The following DSCAM variants were observed in gnomAD, a reference collection of about 807,000 sequenced individuals.
DSCAM encodes the protein cell adhesion molecule DSCAM.
DSCAM carries 47 observed loss-of-function variants against 217.7 expected under a neutral mutation model. The observed-to-expected ratio is 0.22, with a 90% CI of 0.17 to 0.28. DSCAM has a LOEUF of 0.28. Ranked by LOEUF, DSCAM falls within the 10% of genes least tolerant of loss-of-function variation. The pLI, the probability that DSCAM is intolerant of heterozygous loss-of-function variation, is 1.00. For synonymous variants in DSCAM, 1,056 were observed against 1,015.3 expected, an observed-to-expected ratio of 1.04 and a Z score of -0.76; for missense variants, 2,080 against 2,618.3, an observed-to-expected ratio of 0.79 and a Z score of 4.49.
intron 1 of DSCAM, among the ~76,000 whole-genome samples, chr21:40,766,680 A>G (rs1241951939): frequency 1.6e-5 from 2 of 123,720 alleles, no homozygotes; most frequent in African/African-American, 6.4e-5. Flanking sequence ...AAAAAAAAAA[A>G]AAAAAAAACA....
At chr21:40,544,034 T>C (rs561392713) in intron 3 of DSCAM, among the ~76,000 whole-genome samples, 1 of 152,178 alleles carries the variant, frequency 6.6e-6, no homozygotes, top group South Asian at 2.1e-4. Context: ...TCTTAGTCAG[T>C]GTGAGTTGGG....
intron 3 of DSCAM, among the ~76,000 whole-genome samples, chr21:40,543,733 T>C (rs2076559487): frequency 6.6e-6 from 1 of 152,198 alleles, no homozygotes; most frequent in Non-Finnish European, 1.5e-5. Flanking sequence ...CTCATGAGTC[T>C]CTGGTCACCT....
At chr21:40,537,495 C>T (rs567930588) in intron 3 of DSCAM, among the ~76,000 whole-genome samples, 6 of 152,240 alleles carry the variant, frequency 3.9e-5, no homozygotes, top group Admixed American at 2.0e-4. Flanking sequence ...TTCCCCACCC[C>T]CACCAAAAAA....
intron 10 of DSCAM, among the ~76,000 whole-genome samples, chr21:40,289,397 G>A (rs1054355630): frequency 1.3e-5 from 2 of 152,134 alleles, no homozygotes; most frequent in Non-Finnish European, 2.9e-5. Context: ...TTAGAAGTAG[G>A]GTTAGCTGAG....
chr21:40,039,137 T>C (rs916802062), intron 32 of DSCAM, among the ~76,000 whole-genome samples: 1 of 151,598 alleles, frequency 6.6e-6, no homozygotes, highest in African/African-American at 2.4e-5. Context: ...CTGCACAATA[T>C]GCACATGTAC....
rs1178293337 is a variant in DSCAM, at chr21:40,139,906, G to A, written c.3406+2652C>T. Reference sequence around the variant, plus strand: ...GCATGTGGGGTGTGTGAGGTGTGGTGTGTGTGGTGAGTGTGGGATATGTGT... The same window carrying A: ...GCATGTGGGGTGTGTGAGGTGTGGTATGTGTGGTGAGTGTGGGATATGTGT... On this transcript the variant is annotated intron_variant, in intron 18 of 32. Coordinates refer to ENST00000400454, the MANE Select transcript of DSCAM (RefSeq NM_001389.5). Among the ~76,000 whole-genome samples the A allele has an allele frequency of 2.7e-5, 4 of 150,088 alleles. No individual in the cohort carries two copies. In the Admixed American group the frequency reaches 2.7e-4, roughly 10 times the overall value.
chr21:40,616,273 G>A (rs2089392617), intron 3 of DSCAM, among the ~76,000 whole-genome samples: 1 of 152,120 alleles, frequency 6.6e-6, no homozygotes, highest in Non-Finnish European at 1.5e-5. Flanking sequence ...CTGACCCTTG[G>A]CCAGCTCCTG....
rs1421064109 is a variant in DSCAM, at chr21:40,502,323, A to C, written c.509-133078T>G. Among the ~76,000 whole-genome samples the C allele has an allele frequency of 2.6e-5, 4 of 152,186 alleles. No homozygotes were observed. In the East Asian group the frequency reaches 7.7e-4, roughly 29 times the overall value. Reference sequence around the variant, plus strand: ...TTAATAAATTAATCAAGAAGAACATATCATACATCATGGATTTTATCTAAT... The same window carrying C: ...TTAATAAATTAATCAAGAAGAACATCTCATACATCATGGATTTTATCTAAT... On this transcript the variant is annotated intron_variant, in intron 3 of 32. Transcript: ENST00000400454.
At chr21:40,141,975 T>TACACACACACACACAA (rs1555883013) in intron 18 of DSCAM, among the ~76,000 whole-genome samples, 8 of 143,116 alleles carry the variant, frequency 5.6e-5, no homozygotes, top group Non-Finnish European at 1.2e-4. Flanking sequence ...CCACTTGAAA[T>TACACACACACACACAA]ACACACACAC....
chr21:40,627,971 TTG>T (rs2089626042), intron 3 of DSCAM, among the ~76,000 whole-genome samples: 1 of 152,202 alleles, frequency 6.6e-6, no homozygotes. Flanking sequence ...ACCCCCAAAG[TTG>T]TGTGTCCGTG....
intron 2 of DSCAM, among the ~76,000 whole-genome samples, chr21:40,706,218 C>T (rs901439904): frequency 6.6e-6 from 1 of 150,584 alleles, no homozygotes; most frequent in African/African-American, 2.4e-5. Flanking sequence ...AGAAAGAAAG[C>T]ACAGTCTGCT....
At chr21:40,513,074 T>G (rs944530951) in intron 3 of DSCAM, 30 of 152,204 alleles carry the variant, frequency 2.0e-4, no homozygotes, top group African/African-American at 7.0e-4. Flanking sequence ...TAATTTGTTG[T>G]ATTTTTAGTA....
At chr21:40,226,159 CA>C (rs1454602329) in intron 11 of DSCAM, among the ~76,000 whole-genome samples, 1 of 152,296 alleles carries the variant, frequency 6.6e-6, no homozygotes, top group African/African-American at 2.4e-5. Context: ...AGCTGGGATA[CA>C]AAGCCAGACA....
chr21:40,474,870 A>T (rs1198279664), intron 3 of DSCAM, among the ~76,000 whole-genome samples: 2 of 152,114 alleles, frequency 1.3e-5, no homozygotes, highest in African/African-American at 4.8e-5. Context: ...GAGAACTGCG[A>T]GGGAGCCCTG....
chr21:40,059,462 T>C lies in DSCAM; in HGVS notation c.4919+3407A>G, dbSNP rs2089080168. 2.0e-5 allele frequency among the ~76,000 whole-genome samples: 3 copies of C among 152,294 alleles called. No individual in the cohort carries two copies. The South Asian group carries it at 6.2e-4, about 32-fold the overall frequency. On this transcript the variant is annotated intron_variant, in intron 28 of 32. Transcript: ENST00000400454. ...TGTGCATGGGTGAAACAGGTGGATA[T>C]CTAGGAGCATGAAGCCCAGCAATGG...
intron 3 of DSCAM, among the ~76,000 whole-genome samples, chr21:40,497,691 GT>G (rs1344280241): frequency 6.6e-6 from 1 of 152,154 alleles, no homozygotes; most frequent in Non-Finnish European, 1.5e-5. Context: ...ATTCCCCAAT[GT>G]ATACATATAA....
chr21:40,265,377 T>C (rs77241752), intron 11 of DSCAM, among the ~76,000 whole-genome samples: 2,376 of 152,140 alleles, frequency 0.016, 78 homozygotes, highest in African/African-American at 0.054. Flanking sequence ...AAACATCCCA[T>C]GTTCATAGAT....
chr21:40,423,354 G>C (rs1478349035), intron 3 of DSCAM, among the ~76,000 whole-genome samples: 2 of 152,118 alleles, frequency 1.3e-5, no homozygotes, highest in African/African-American at 4.8e-5. Flanking sequence ...CACAACGAGA[G>C]AGAGAGAGAT....
intron 3 of DSCAM, among the ~76,000 whole-genome samples, chr21:40,517,061 A>G (rs2076306832): frequency 6.8e-6 from 1 of 147,920 alleles, no homozygotes; most frequent in African/African-American, 2.5e-5. Flanking sequence ...TACTCTGTGT[A>G]TATATATACA....
Sources: allele counts gnomAD v4.1 joint callset (sites outside exome capture counted in the v4.1 genomes callset), GRCh38; gene constraint gnomAD v4.1.1; transcripts MANE v1.5; gene names NCBI Gene and HGNC (gene_info 2026-07-23, HGNC 2026-07-21).